Variants in PPP2R5C observed in about 807,000 individuals in gnomAD.
PPP2R5C encodes the protein protein phosphatase 2 regulatory subunit B'gamma, also known as serine/threonine-protein phosphatase 2A 56 kDa regulatory subunit gamma isoform.
A neutral mutation model predicts 68.9 loss-of-function variants in PPP2R5C; 7 were observed. The observed-to-expected ratio is 0.10, with a 90% CI of 0.06 to 0.19. The LOEUF is 0.19. Among genes scored for constraint, PPP2R5C ranks in the 10% least tolerant of loss-of-function variants. The probability of loss-of-function intolerance (pLI) is 1.00; values close to 1 mark genes in which losing one functional copy is unlikely to be tolerated. For missense variants in PPP2R5C, 348 were observed against 641.3 expected (o/e 0.54, Z 4.94); for synonymous variants, 210 against 222.2 (o/e 0.95, Z 0.49).
rs553644792 is a variant in PPP2R5C, at chr14:101,847,238, C to T, written c.95-9448C>T. On this transcript the variant is annotated intron_variant, in intron 1 of 13. Coordinates refer to ENST00000334743, the Ensembl canonical transcript of PPP2R5C. Reference sequence around the variant, plus strand: ...CTGAGAAAATTTATAATTAAGCATCCAGTATGATTAATGTAGGGTATATAA... The same window carrying T: ...CTGAGAAAATTTATAATTAAGCATCTAGTATGATTAATGTAGGGTATATAA... Among the ~76,000 whole-genome samples, 3 of 152,246 alleles carry T rather than the reference C, an allele frequency of 2.0e-5. No individual in the cohort carries two copies. The East Asian group carries it at 5.8e-4, about 29-fold the overall frequency.
intron 1 of PPP2R5C, chr14:101,836,630 T>G (rs1311401993): frequency 2.2e-6 from 1 of 464,176 alleles, no homozygotes; most frequent in Non-Finnish European, 3.8e-6. Context: ...ATTATTTCTA[T>G]AATTTCAGTT....
chr14:101,850,095 G>A (rs1402838636), intron 1 of PPP2R5C, among the ~76,000 whole-genome samples: 1 of 152,116 alleles, frequency 6.6e-6, no homozygotes, highest in Non-Finnish European at 1.5e-5. Context: ...TTATCCACAG[G>A]CTGCTAGAGC....
chr14:101,917,997 A>T lies in PPP2R5C; in HGVS notation c.1443+50A>T. 1 of 1,611,014 alleles carries T rather than the reference A, an allele frequency of 6.2e-7. No homozygotes were observed. The highest frequency in any genetic ancestry group is 8.5e-7 in the Non-Finnish European group (1 of 1,177,990). On this transcript the variant is annotated intron_variant, in intron 13 of 13. Coordinates refer to ENST00000334743, the Ensembl canonical transcript of PPP2R5C. The surrounding 1 kb of genome is among the most constrained non-coding windows in gnomAD (Gnocchi z 4.4). ...GGCACCCATGACTGATTTGCTTAAG[A>T]AATGCACATTTTTGTAGGCGATGTG...
At chr14:101,802,674 A>G (rs1424698136) in intron 3 of PPP2R5C, among the ~76,000 whole-genome samples, 1 of 152,202 alleles carries the variant, frequency 6.6e-6, no homozygotes, top group East Asian at 1.9e-4. Flanking sequence ...GGCCCAGTCA[A>G]CAAGAAAAGG....
At chr14:101,850,537 G>A (rs2042094561) in intron 1 of PPP2R5C, among the ~76,000 whole-genome samples, 1 of 152,200 alleles carries the variant, frequency 6.6e-6, no homozygotes, top group African/African-American at 2.4e-5. Context: ...ACTCAATCCT[G>A]CCAAATTCTT....
chr14:101,897,665 G>T (rs1258237891), intron 8 of PPP2R5C, among the ~76,000 whole-genome samples: 1 of 152,000 alleles, frequency 6.6e-6, no homozygotes, highest in African/African-American at 2.4e-5. Flanking sequence ...TTAAGGGTGG[G>T]TCTGCCTTTC....
Position 101,916,629 on chromosome 14 carries a change from G to A in PPP2R5C, c.1327-1202G>A, listed in dbSNP as rs1033882050. ...TAGGCCTCATGCCAGAGGTGGCTCC[G>A]TCAGAGGATGAGGGCCAACACCAGA... On this transcript the variant is annotated intron_variant, in intron 12 of 13. Coordinates refer to ENST00000334743, the Ensembl canonical transcript of PPP2R5C. This position sits in a 1 kb window ranked among gnomAD's most constrained non-coding sequence, Gnocchi z 5.5. Among the ~76,000 whole-genome samples, 2 of 150,484 alleles carry A rather than the reference G, an allele frequency of 1.3e-5. No homozygotes were observed. The highest frequency in any genetic ancestry group is 2.4e-5 in the African/African-American group (1 of 41,018).
intron 3 of PPP2R5C, among the ~76,000 whole-genome samples, chr14:101,796,271 G>A (rs919678170): frequency 3.9e-5 from 6 of 152,234 alleles, no homozygotes; most frequent in Admixed American, 3.9e-4. Context: ...TTATCGGAGT[G>A]CCTGCTGCTC....
intron 13 of PPP2R5C, among the ~76,000 whole-genome samples, chr14:101,921,643 G>C (rs2047012838): frequency 6.6e-6 from 1 of 151,806 alleles, no homozygotes; most frequent in South Asian, 2.1e-4. Flanking sequence ...ATAGTCATTT[G>C]ATTATATTCA....
intron 1 of PPP2R5C, among the ~76,000 whole-genome samples, chr14:101,849,583 G>A (rs779404805): frequency 9.0e-6 from 1 of 111,010 alleles, no homozygotes; most frequent in South Asian, 2.6e-4. Flanking sequence ...GAGTCTATTG[G>A]TTATATGTAT....
chr14:101,787,766 CAA>C (rs756927904), intron 3 of PPP2R5C, among the ~76,000 whole-genome samples: 254 of 69,272 alleles, frequency 3.7e-3, no homozygotes, highest in African/African-American at 0.012. Flanking sequence ...GACTCCATCT[CAA>C]AAAAAAAAAA....
intron 3 of PPP2R5C, chr14:101,796,701 C>A (rs190055426): frequency 1.1e-3 from 186 of 168,446 alleles, no homozygotes; most frequent in Middle Eastern, 3.0e-3. Flanking sequence ...TGACCTTGGC[C>A]GTTACTCCAT....
intron 11 of PPP2R5C, 145 bp from the exon 14 acceptor site, chr14:101,912,256 C>G: frequency 1.9e-6 from 1 of 523,962 alleles, no homozygotes; most frequent in Non-Finnish European, 3.3e-6. Context: ...TCATGCTGTG[C>G]TCAGCACGTA....
At chr14:101,813,685 C>T (rs1336858970) in intron 1 of PPP2R5C, among the ~76,000 whole-genome samples, 2 of 152,174 alleles carry the variant, frequency 1.3e-5, no homozygotes, top group Non-Finnish European at 2.9e-5. Context: ...CCAGCTGGCC[C>T]TTATTCTGGG....
chr14:101,820,992 C>G (rs1003627841), intron 1 of PPP2R5C: 1 of 151,708 alleles, frequency 6.6e-6, no homozygotes, highest in African/African-American at 2.4e-5. Flanking sequence ...AAATGGAAAA[C>G]ACGTGGACTT....
intron 8 of PPP2R5C, among the ~76,000 whole-genome samples, chr14:101,896,449 C>T (rs12890126): frequency 2.6e-5 from 4 of 151,862 alleles, no homozygotes; most frequent in Non-Finnish European, 5.9e-5. Context: ...TGTATATCTT[C>T]TTGGCCGGGC....
chr14:101,831,725 C>T, intron 1 of PPP2R5C: 3 of 700,106 alleles, frequency 4.3e-6, no homozygotes, highest in Non-Finnish European at 7.8e-6. Flanking sequence ...AGATTCGAGA[C>T]CTATGTATAC....
At chr14:101,885,034 A>G (rs1467883545) in intron 5 of PPP2R5C, among the ~76,000 whole-genome samples, 1 of 152,192 alleles carries the variant, frequency 6.6e-6, no homozygotes, top group Middle Eastern at 3.2e-3. Flanking sequence ...TGACTCCAGG[A>G]TGTTGCGAGG....
intron 1 of PPP2R5C, among the ~76,000 whole-genome samples, chr14:101,851,188 T>C (rs558311966): frequency 1.3e-5 from 2 of 152,142 alleles, no homozygotes; most frequent in Non-Finnish European, 2.9e-5. Flanking sequence ...CCCAACATTT[T>C]TGGGAGGCTG....
Sources: allele counts gnomAD v4.1 joint callset (sites outside exome capture counted in the v4.1 genomes callset), GRCh38; gene constraint gnomAD v4.1.1; non-coding constraint Gnocchi (gnomAD v3.1); transcripts MANE v1.5; gene names NCBI Gene and HGNC (gene_info 2026-07-23, HGNC 2026-07-21).